The following FLT1 variants were observed in gnomAD, a reference collection of about 807,000 sequenced individuals.
FLT1 encodes vascular endothelial growth factor receptor 1.
In FLT1, 49 loss-of-function variants were observed where a neutral mutation model predicts 156.3. The ratio of observed to expected loss-of-function variants is 0.31; its 90% CI spans 0.25 to 0.40. The LOEUF is 0.40. Ranked by LOEUF, FLT1 falls within the 10% of genes least tolerant of loss-of-function variation. The pLI is 1.00. For missense variants in FLT1, 1,322 were observed against 1,637.2 expected (o/e 0.81, Z 3.32); for synonymous variants, 594 against 583.8 (o/e 1.02, Z -0.25).
At position 28,329,849 on chromosome 13, in the gene FLT1, A is replaced by G. The variant is rs376522235; in HGVS notation, c.2594-121T>C. The G allele has an allele frequency of 2.4e-5, 19 of 790,638 alleles. No individual in the cohort carries two copies. The African/African-American group carries it at 3.2e-4, about 13-fold the overall frequency. 49.0% of individuals were successfully genotyped at this position (790,638 alleles called of 1,614,324 possible). On this transcript the variant is annotated intron_variant, in intron 18 of 29. Transcript: ENST00000282397. ...CCGGTTGCTTCACTAACTTCCCCAC[A>G]TTCTGCAGAAAGGCCAAGTCTCCAG... is the stretch of plus-strand genomic sequence containing the variant.
chr13:28,455,328 G>A (rs1036759979), intron 3 of FLT1, among the ~76,000 whole-genome samples: 10 of 152,138 alleles, frequency 6.6e-5, no homozygotes, highest in African/African-American at 2.2e-4. Context: ...AGAATATAGA[G>A]CCCAGAAATA....
rs1044679754 is a variant in FLT1 at position 28,494,946 on chromosome 13, C to T, written c.-103G>A. 6 of 859,550 alleles carry T rather than the reference C, an allele frequency of 7.0e-6. No homozygotes were observed. Among genetic ancestry groups the T allele is most frequent in the Non-Finnish European group, 8.3e-6 (5 of 599,648 alleles). 53.2% of individuals were successfully genotyped at this position (859,550 alleles called of 1,614,324 possible). On this transcript the variant is annotated 5_prime_UTR_variant, in exon 1 of 30. Transcript: ENST00000282397. ...TCGTTCGCCGCCGCCGGCCCCGCGC[C>T]CTGAGCGCCCGTCTCGCGGCTCCAG...
intron 14 of FLT1, among the ~76,000 whole-genome samples, chr13:28,374,572 C>A (rs934439203): frequency 6.6e-6 from 1 of 151,424 alleles, no homozygotes; most frequent in Admixed American, 6.6e-5. Context: ...AGTACAGTGG[C>A]GCGATCTTGG....
intron 1 of FLT1, among the ~76,000 whole-genome samples, chr13:28,486,721 T>A (rs745910418): frequency 6.6e-6 from 1 of 152,270 alleles, no homozygotes; most frequent in Non-Finnish European, 1.5e-5. Context: ...TTCAATGCCC[T>A]GGCATTTGAT....
At chr13:28,325,643 T>C in intron 20 of FLT1, among the ~76,000 whole-genome samples, 1 of 151,920 alleles carries the variant, frequency 6.6e-6, no homozygotes, top group South Asian at 2.1e-4. Flanking sequence ...TGAAACTCCG[T>C]CTCTACCAAA....
In FLT1 at chr13:28,338,019, A is replaced by AT. The variant is rs568481678; in HGVS notation, c.2488+1148dup. Among the ~76,000 whole-genome samples, 187 of 152,132 alleles carry AT rather than the reference A, an allele frequency of 1.2e-3. 1 individual carries two copies. Among genetic ancestry groups the AT allele is most frequent in the Non-Finnish European group, 1.4e-3 (98 of 67,996 alleles). On this transcript the variant is annotated intron_variant, in intron 17 of 29. Coordinates refer to ENST00000282397, the MANE Select transcript of FLT1 (RefSeq NM_002019.4). ...CCCTTAACTACTCTAAATGTAGTTG[A>AT]TTTTTTCCTCCTGTCCACAGCCATT...
intron 14 of FLT1, among the ~76,000 whole-genome samples, chr13:28,365,572 G>C (rs192680209): frequency 6.6e-6 from 1 of 152,060 alleles, no homozygotes; most frequent in African/African-American, 2.4e-5. Context: ...GGCTGGTCTC[G>C]AACTCCTGAC....
At chr13:28,398,967 G>T in intron 11 of FLT1, 1 of 960,060 alleles carries the variant, frequency 1.0e-6, no homozygotes, top group Non-Finnish European at 1.6e-6. Context: ...TTTTGATGAT[G>T]AATCTTTTTA....
intron 29 of FLT1, among the ~76,000 whole-genome samples, chr13:28,304,567 C>G (rs566359291): frequency 6.6e-6 from 1 of 152,032 alleles, no homozygotes; most frequent in East Asian, 1.9e-4. Flanking sequence ...CATAATTCGC[C>G]TATTTAAAAT....
intron 24 of FLT1, 39 bp downstream of exon 24, chr13:28,319,383 AT>A: frequency 1.5e-6 from 2 of 1,293,760 alleles, no homozygotes; most frequent in Non-Finnish European, 2.2e-6. Context: ...GCAGACATTT[AT>A]TTCTGGGCTG....
At chr13:28,448,748 A>C (rs1878757572) in intron 3 of FLT1, among the ~76,000 whole-genome samples, 1 of 152,164 alleles carries the variant, frequency 6.6e-6, no homozygotes. Flanking sequence ...GTGGTATGTA[A>C]ATTATATCTC....
intron 11 of FLT1, among the ~76,000 whole-genome samples, chr13:28,403,023 G>T (rs550037420): frequency 6.6e-6 from 1 of 151,820 alleles, no homozygotes; most frequent in Non-Finnish European, 1.5e-5. Context: ...CAGGTGATCC[G>T]CCCGCCACTT....
intron 1 of FLT1, among the ~76,000 whole-genome samples, chr13:28,478,566 T>C (rs1393601421): frequency 1.3e-5 from 2 of 152,206 alleles, no homozygotes; most frequent in East Asian, 1.9e-4. Context: ...GAATTGGAAC[T>C]TTTAAATTTT....
intron 14 of FLT1, among the ~76,000 whole-genome samples, chr13:28,375,971 G>GGAATTTGATTAAT (rs1323798347): frequency 6.6e-6 from 1 of 152,204 alleles, no homozygotes; most frequent in Non-Finnish European, 1.5e-5. Flanking sequence ...ATTTGATTAA[G>GGAATTTGATTAAT]GAATCAAGCA....
At chr13:28,462,836 C>A (rs954569840) in intron 3 of FLT1, among the ~76,000 whole-genome samples, 14 of 152,332 alleles carry the variant, frequency 9.2e-5, no homozygotes, top group Admixed American at 7.8e-4. Context: ...CAGGACACCA[C>A]CTTCCACCTG....
Position 28,434,251 on chromosome 13 carries a change from T to C in FLT1, c.514-31A>G. 3.7e-6 allele frequency: 6 copies of C among 1,607,586 alleles called. 1 individual carries two copies. The East Asian group carries it at 1.3e-4, about 36-fold the overall frequency. ...AAGGAAGAGGCATGCATTAACAAGG[T>C]CCTATTAGCACTGGTTGGCAATACT... On this transcript the variant is annotated intron_variant, in intron 4 of 29. Transcript: ENST00000282397.
intron 14 of FLT1, among the ~76,000 whole-genome samples, chr13:28,375,848 A>G (rs1178899607): frequency 1.3e-5 from 2 of 152,262 alleles, no homozygotes; most frequent in East Asian, 1.9e-4. Flanking sequence ...CTTTTCTGCA[A>G]TAATAGTTCT....
At chr13:28,464,167 T>C (rs1879732869) in intron 3 of FLT1, among the ~76,000 whole-genome samples, 1 of 152,224 alleles carries the variant, frequency 6.6e-6, no homozygotes, top group African/African-American at 2.4e-5. Flanking sequence ...TCGTAGTATA[T>C]GTATGTATGT....
rs550711329 is a variant in FLT1 at position 28,367,710 on chromosome 13, C to T, written c.2117-10025G>A. On this transcript the variant is annotated intron_variant, in intron 14 of 29. Coordinates refer to ENST00000282397, the MANE Select transcript of FLT1 (RefSeq NM_002019.4). ...CATGTGTTTGCCTCCTGTTCCCCCC[C>T]ACACACAAAAGTGGCTTGTTGCTCT... Among the ~76,000 whole-genome samples, 6 of 152,326 alleles carry T rather than the reference C, an allele frequency of 3.9e-5. No homozygotes were observed. In the South Asian group the frequency reaches 8.3e-4, roughly 21 times the overall value.
Sources: allele counts gnomAD v4.1 joint callset (sites outside exome capture counted in the v4.1 genomes callset), GRCh38; gene constraint gnomAD v4.1.1; transcripts MANE v1.5; gene names NCBI Gene and HGNC (gene_info 2026-07-23, HGNC 2026-07-21).